Variants in MIS18BP1 observed in about 807,000 individuals in gnomAD.
The protein encoded by MIS18BP1 is MIS18 binding protein 1.
A neutral mutation model predicts 116.1 loss-of-function variants in MIS18BP1; 72 were observed. The ratio of observed to expected loss-of-function variants is 0.62; its 90% CI spans 0.51 to 0.75. The LOEUF (loss-of-function observed/expected upper bound fraction) is 0.75. Among genes scored for constraint, MIS18BP1 ranks in the 30% least tolerant of loss-of-function variants. MIS18BP1 has a pLI of 0.00. For missense variants in MIS18BP1, 1,363 were observed against 1,303.2 expected (o/e 1.05, Z -0.71); for synonymous variants, 386 against 427.0 (o/e 0.90, Z 1.18).
rs1005009538 is a variant in MIS18BP1, at chr14:45,204,532, C to G, written c.3241-79G>C. On this transcript the variant is annotated intron_variant, in intron 15 of 16. Coordinates refer to ENST00000310806, the MANE Select transcript of MIS18BP1 (RefSeq NM_018353.5). ...TCAAATCTAGACAAAATTAAGCATGCTTATCCCCAGATTACTTTGAACATA... is the reference window on the plus strand; with the variant it reads ...TCAAATCTAGACAAAATTAAGCATGGTTATCCCCAGATTACTTTGAACATA... The G allele has an allele frequency of 2.2e-4, 225 of 1,027,022 alleles. 2 individuals carry two copies. Among genetic ancestry groups the G allele is most frequent in the Non-Finnish European group, 3.8e-5 (26 of 693,286 alleles). 63.6% of individuals were successfully genotyped at this position (1,027,022 alleles called of 1,614,324 possible). A position where few individuals can be genotyped will look rare whatever the true frequency, so the allele number is the denominator to read the frequency against.
intron 11 of MIS18BP1, among the ~76,000 whole-genome samples, chr14:45,218,902 G>A (rs1043334957): frequency 1.0e-4 from 13 of 129,450 alleles, no homozygotes; most frequent in Admixed American, 4.0e-4. Context: ...AAAGTGTTAT[G>A]CTTGCTTTCA....
chr14:45,245,667 C>G (rs1453915462), intron 2 of MIS18BP1, among the ~76,000 whole-genome samples: 1 of 152,144 alleles, frequency 6.6e-6, no homozygotes, highest in East Asian at 1.9e-4. Context: ...CCCGGCCGGC[C>G]TTTCTACTCT....
Position 45,206,109 on chromosome 14 carries a change from C to G in MIS18BP1, c.3214G>C (p.Val1072Leu). 6.2e-7 allele frequency: 1 copy of G among 1,608,258 alleles called. No homozygotes were observed. Among genetic ancestry groups the G allele is most frequent in the Non-Finnish European group, 8.5e-7 (1 of 1,175,432 alleles). The stretch of plus-strand genomic sequence containing the variant: ...AATTTTTTCTTGATGTTGCCCCAGA[C>G]AATACCACCATTACTTTTATGATAT... ...QKYHKSNGGIVWGNIKKKLVE... is the reference protein window; with the variant it reads ...QKYHKSNGGILWGNIKKKLVE... Residue 1072 changes from valine to leucine, a missense_variant, in exon 15 of 17, where the codon GTC becomes CTC. Transcript: ENST00000310806.
rs778996061 is a variant in MIS18BP1 at position 45,235,940 on chromosome 14, C to A, written c.1222G>T (p.Val408Phe). ...AICVEGKLID[V>F]TNIYWHSNVI... ...TTACTGTGCCAATATATGTTAGTGACGTCTCTAGGAAAAAAAAATAGTTTT... is the reference window on the plus strand; with the variant it reads ...TTACTGTGCCAATATATGTTAGTGAAGTCTCTAGGAAAAAAAAATAGTTTT... The change falls in exon 6 of 17, where the codon GTC (valine) becomes TTC (phenylalanine). Residue 408 changes from valine (V) to phenylalanine (F), a missense_variant. By Grantham distance (50) the Val-to-Phe change is conservative. Coordinates refer to ENST00000310806, the MANE Select transcript of MIS18BP1 (RefSeq NM_018353.5). 3.8e-6 allele frequency: 6 copies of A among 1,594,832 alleles called. No homozygotes were observed. The highest frequency in any genetic ancestry group is 5.1e-6 in the Non-Finnish European group (6 of 1,173,730).
chr14:45,232,348 C>T (rs1891304850), intron 7 of MIS18BP1, among the ~76,000 whole-genome samples: 1 of 137,522 alleles, frequency 7.3e-6, no homozygotes, highest in African/African-American at 2.8e-5. Flanking sequence ...ACCCCAGAGG[C>T]GGAGCTTGCA....
At chr14:45,249,160 T>G (rs1256129220) in intron 1 of MIS18BP1, among the ~76,000 whole-genome samples, 3 of 152,088 alleles carry the variant, frequency 2.0e-5, no homozygotes, top group Non-Finnish European at 4.4e-5. Context: ...GATGCGATCT[T>G]GACTCACTGC....
Position 45,242,894 on chromosome 14 carries a change from A to G in MIS18BP1, c.545-20T>C, listed in dbSNP as rs760048036. 2 of 1,497,940 alleles carry G rather than the reference A, an allele frequency of 1.3e-6. No individual in the cohort carries two copies. Among genetic ancestry groups the G allele is most frequent in the Non-Finnish European group, 9.1e-7 (1 of 1,100,868 alleles). The allele number at this position is 1,497,940 out of a possible 1,614,324, so 92.8% of individuals were successfully genotyped here. A position where few individuals can be genotyped will look rare whatever the true frequency, so the allele number is the denominator to read the frequency against. ...CTGAGGCTAAGGTTTTATTTTTTAA[A>G]GAAAGAAGAAGTTGAATTGTATTAG... On this transcript the variant is annotated intron_variant, in intron 2 of 16. Transcript: ENST00000310806.
In MIS18BP1 at chr14:45,224,754, T is replaced by G; in HGVS notation, c.1841-8A>C. ...CCAATTCTTCAGTTGTCTCTTTAAT[T>G]TCATAAGACAAAACCAAAGACCAAA... On this transcript the variant is annotated splice_polypyrimidine_tract_variant and splice_region_variant and intron_variant, in intron 10 of 16. Coordinates refer to ENST00000310806, the MANE Select transcript of MIS18BP1 (RefSeq NM_018353.5). 3 of 1,541,274 alleles carry G rather than the reference T, an allele frequency of 1.9e-6. No individual in the cohort carries two copies. Among genetic ancestry groups the G allele is most frequent in the Non-Finnish European group, 2.6e-6 (3 of 1,149,316 alleles).
At chr14:45,217,327 C>T (rs369673731) in intron 12 of MIS18BP1, 148 bp from the exon 13 acceptor site, 5 of 846,762 alleles carry the variant, frequency 5.9e-6, no homozygotes, top group Non-Finnish European at 9.0e-6. Context: ...AGTGGCTCAT[C>T]CCTGTAACCC....
intron 8 of MIS18BP1, among the ~76,000 whole-genome samples, chr14:45,230,762 A>G (rs757121993): frequency 1.3e-5 from 2 of 151,992 alleles, no homozygotes; most frequent in Non-Finnish European, 2.9e-5. Context: ...TGGGAACACA[A>G]GCATGCACTA....
intron 6 of MIS18BP1, among the ~76,000 whole-genome samples, chr14:45,233,997 C>G (rs1430405661): frequency 2.0e-5 from 3 of 151,726 alleles, no homozygotes; most frequent in African/African-American, 7.3e-5. Flanking sequence ...CCCAAGCTAC[C>G]CCATTATTAG....
chr14:45,210,290 T>G, intron 14 of MIS18BP1, 90 bp downstream of exon 14: 1 of 1,306,632 alleles, frequency 7.7e-7, no homozygotes, highest in Non-Finnish European at 1.1e-6. Context: ...CCTCTTCCCA[T>G]TACTGGCATC....
At chr14:45,225,313 T>C (rs775494303) in intron 10 of MIS18BP1, among the ~76,000 whole-genome samples, 3 of 152,122 alleles carry the variant, frequency 2.0e-5, no homozygotes, top group Non-Finnish European at 2.9e-5. Flanking sequence ...AGACATGTAT[T>C]ATAATTGCAC....
At chr14:45,227,607 G>T in intron 9 of MIS18BP1, 56 bp downstream of exon 9, 4 of 1,442,746 alleles carry the variant, frequency 2.8e-6, no homozygotes, top group Non-Finnish European at 3.8e-6. Flanking sequence ...CTTTTCAGTA[G>T]TAAATCACCC....
In MIS18BP1 at chr14:45,203,510, A is replaced by G. The variant is rs1890422078; in HGVS notation, c.*599T>C. 1 of 152,172 alleles carries G rather than the reference A, an allele frequency of 6.6e-6. No individual in the cohort carries two copies. Among genetic ancestry groups the G allele is most frequent in the African/African-American group, 2.4e-5 (1 of 41,452 alleles). The allele number at this position is 152,172 out of a possible 1,614,324, so 9.4% of individuals were successfully genotyped here. A position where few individuals can be genotyped will look rare whatever the true frequency, so the allele number is the denominator to read the frequency against. ...TACCTAGTAAAATAATGGTAAAGCA[A>G]TAAACTAAATTTACAAAGGTTTCAT... On this transcript the variant is annotated 3_prime_UTR_variant, in exon 17 of 17. Coordinates refer to ENST00000310806, the MANE Select transcript of MIS18BP1 (RefSeq NM_018353.5).
intron 12 of MIS18BP1, 73 bp downstream of exon 12, chr14:45,218,209 A>G (rs1394385228): frequency 7.0e-7 from 1 of 1,428,440 alleles, no homozygotes; most frequent in Non-Finnish European, 9.6e-7. Flanking sequence ...GATAAATATA[A>G]AATATATCTG....
intron 14 of MIS18BP1, 79 bp from the exon 15 acceptor site, chr14:45,206,249 T>A: frequency 2.2e-6 from 2 of 911,488 alleles, no homozygotes; most frequent in Non-Finnish European, 1.7e-6. Context: ...GTCATACTTT[T>A]AACCACAGGT....
chr14:45,218,596 A>C (rs748326109), intron 11 of MIS18BP1, 142 bp from the exon 12 acceptor site: 266 of 816,598 alleles, frequency 3.3e-4, no homozygotes, highest in Admixed American at 1.6e-3. Context: ...ACAATTAAGA[A>C]AGATATTATT....
intron 8 of MIS18BP1, among the ~76,000 whole-genome samples, chr14:45,229,221 T>C (rs915532798): frequency 2.9e-4 from 44 of 152,236 alleles, no homozygotes; most frequent in African/African-American, 9.4e-4. Context: ...TTAAAAATGT[T>C]GACACCAGGT....
Sources: allele counts gnomAD v4.1 joint callset (sites outside exome capture counted in the v4.1 genomes callset), GRCh38; gene constraint gnomAD v4.1.1; transcripts MANE v1.5; gene names NCBI Gene and HGNC (gene_info 2026-07-23, HGNC 2026-07-21).